Variants in RIT2 observed in about 807,000 individuals in gnomAD.
RIT2 encodes GTP-binding protein Rit2.
RIT2 carries 24 observed loss-of-function variants against 23.7 expected under a neutral mutation model. That is an observed-to-expected ratio of 1.01 (90% CI 0.73 to 1.43). The LOEUF is 1.43. RIT2 is among the 40% of genes most tolerant of loss of function. The pLI is 0.00. For missense variants in RIT2, 236 were observed against 266.9 expected, an observed-to-expected ratio of 0.88 and a Z score of 0.81; for synonymous variants, 107 against 91.1, an observed-to-expected ratio of 1.17 and a Z score of -0.99.
At chr18:43,001,830 GT>G (rs10718426) in intron 2 of RIT2, among the ~76,000 whole-genome samples, 144,999 of 152,070 alleles carry the variant, frequency 0.95, 69,497 homozygotes, top group East Asian at 1. Flanking sequence ...CTTTTAAGCT[GT>G]TCTGTGTTTT....
chr18:43,059,299 C>T (rs116313405), intron 1 of RIT2, among the ~76,000 whole-genome samples: 65 of 152,152 alleles, frequency 4.3e-4, no homozygotes, highest in African/African-American at 1.5e-3. Context: ...CAGTGAGTTT[C>T]AGAAACTTTA....
At chr18:42,817,774 A>G (rs1906039679) in intron 4 of RIT2, among the ~76,000 whole-genome samples, 1 of 152,064 alleles carries the variant, frequency 6.6e-6, no homozygotes. Context: ...TCAATTTCCT[A>G]ATACATAAAA....
Position 42,891,608 on chromosome 18 carries a change from T to C in RIT2, c.426+31964A>G, listed in dbSNP as rs373401444. The stretch of plus-strand genomic sequence containing the variant: ...AGCCAGGGTAAGACATGGAATAACT[T>C]CAAATTCATATTATTAAGTGACAGA... On this transcript the variant is annotated intron_variant, in intron 4 of 4. Transcript: ENST00000326695. Among the ~76,000 whole-genome samples, 9 of 152,254 alleles carry C rather than the reference T, an allele frequency of 5.9e-5. No homozygotes were observed. The East Asian group carries it at 1.7e-3, about 29-fold the overall frequency.
At chr18:42,992,398 A>T (rs1372696253) in intron 2 of RIT2, among the ~76,000 whole-genome samples, 3 of 152,028 alleles carry the variant, frequency 2.0e-5, no homozygotes, top group South Asian at 4.1e-4. Context: ...TCTTTTACAC[A>T]TCGGTCCCTC....
chr18:43,027,400 T>C (rs1050644754), intron 2 of RIT2, among the ~76,000 whole-genome samples: 2 of 152,002 alleles, frequency 1.3e-5, no homozygotes, highest in Admixed American at 6.6e-5. Flanking sequence ...AAAGAAAATA[T>C]TGTTTTGAGC....
intron 1 of RIT2, among the ~76,000 whole-genome samples, chr18:43,060,673 T>G (rs901960137): frequency 2.0e-5 from 3 of 152,018 alleles, no homozygotes; most frequent in African/African-American, 4.8e-5. Context: ...AAAAACAAAT[T>G]GAAATGCACC....
At chr18:43,054,392 C>T (rs1360855744) in intron 1 of RIT2, among the ~76,000 whole-genome samples, 1 of 151,748 alleles carries the variant, frequency 6.6e-6, no homozygotes, top group Non-Finnish European at 1.5e-5. Context: ...ATCTTTAACT[C>T]CTAATAGCTA....
At chr18:42,810,953 C>T (rs978399558) in intron 4 of RIT2, among the ~76,000 whole-genome samples, 1 of 151,874 alleles carries the variant, frequency 6.6e-6, no homozygotes, top group South Asian at 2.1e-4. Context: ...TTTATCTTTC[C>T]AAAAAGTGGT....
At chr18:43,084,497 G>A (rs1365055814) in intron 1 of RIT2, among the ~76,000 whole-genome samples, 8 of 152,076 alleles carry the variant, frequency 5.3e-5, no homozygotes, top group Non-Finnish European at 8.8e-5. Context: ...AATGCCCATC[G>A]ATTATAGACT....
At chr18:43,076,856 C>T (rs1265437388) in intron 1 of RIT2, among the ~76,000 whole-genome samples, 1 of 152,096 alleles carries the variant, frequency 6.6e-6, no homozygotes, top group African/African-American at 2.4e-5. Context: ...GTAATCCCAG[C>T]ACTTTGGGAG....
chr18:43,067,179 T>A (rs1598769252), intron 1 of RIT2, among the ~76,000 whole-genome samples: 1 of 152,012 alleles, frequency 6.6e-6, no homozygotes, highest in East Asian at 1.9e-4. Flanking sequence ...GTAAAACTAG[T>A]TAGTAGGACA....
At chr18:42,852,552 T>C (rs1222160528) in intron 4 of RIT2, among the ~76,000 whole-genome samples, 1 of 152,130 alleles carries the variant, frequency 6.6e-6, no homozygotes, top group African/African-American at 2.4e-5. Context: ...TCGGAGATGT[T>C]GTTGAGAGAC....
chr18:42,861,117 A>G (rs1335542469), intron 4 of RIT2, among the ~76,000 whole-genome samples: 1 of 152,242 alleles, frequency 6.6e-6, no homozygotes, highest in African/African-American at 2.4e-5. Context: ...TAAAACAACT[A>G]TATTTGGGCA....
intron 3 of RIT2, among the ~76,000 whole-genome samples, chr18:42,928,154 A>C (rs896664177): frequency 2.0e-5 from 3 of 152,034 alleles, no homozygotes; most frequent in Non-Finnish European, 4.4e-5. Flanking sequence ...CTTATGGAAA[A>C]AAAAGTAAAT....
chr18:43,004,464 T>G (rs1057419253), intron 2 of RIT2, among the ~76,000 whole-genome samples: 1 of 151,824 alleles, frequency 6.6e-6, no homozygotes, highest in Non-Finnish European at 1.5e-5. Flanking sequence ...AAAAAGTAAT[T>G]TTCAAAAGCT....
intron 3 of RIT2, 71 bp downstream of exon 3, chr18:42,974,003 G>C: frequency 1.0e-6 from 1 of 961,780 alleles, no homozygotes; most frequent in Non-Finnish European, 1.6e-6. Flanking sequence ...CTTCTCCTTT[G>C]TTGTAAATAT....
intron 4 of RIT2, among the ~76,000 whole-genome samples, chr18:42,814,077 G>C (rs1905925808): frequency 6.6e-6 from 1 of 152,188 alleles, no homozygotes; most frequent in Non-Finnish European, 1.5e-5. Context: ...TGAGCTCACT[G>C]TGTCCCCTAG....
At chr18:42,900,014 TTTAA>T (rs1006283354) in intron 4 of RIT2, among the ~76,000 whole-genome samples, 11 of 152,152 alleles carry the variant, frequency 7.2e-5, no homozygotes, top group African/African-American at 2.2e-4. Flanking sequence ...ATTAATAAAA[TTTAA>T]TTAATTAATG....
intron 2 of RIT2, among the ~76,000 whole-genome samples, chr18:42,999,345 T>C (rs1911054844): frequency 6.6e-6 from 1 of 152,058 alleles, no homozygotes; most frequent in Non-Finnish European, 1.5e-5. Context: ...GCCATACAGA[T>C]TGCATAGAGT....
Sources: allele counts gnomAD v4.1 joint callset (sites outside exome capture counted in the v4.1 genomes callset), GRCh38; gene constraint gnomAD v4.1.1; transcripts MANE v1.5; gene names NCBI Gene and HGNC (gene_info 2026-07-23, HGNC 2026-07-21).